Variants in ZNF704 observed in about 807,000 individuals in gnomAD.
ZNF704 encodes zinc finger protein 704.
Under a neutral mutation model 44.7 loss-of-function variants are expected in ZNF704, and 10 were observed. That is an observed-to-expected ratio of 0.22 (90% CI 0.14 to 0.38). The LOEUF (loss-of-function observed/expected upper bound fraction) is 0.38. ZNF704 is among the 10% of genes least tolerant of loss of function. ZNF704 has a pLI of 1.00. For synonymous variants in ZNF704, 211 were observed against 207.6 expected, an observed-to-expected ratio of 1.02 and a Z score of -0.14; for missense variants, 390 against 545.5, an observed-to-expected ratio of 0.71 and a Z score of 2.84.
At chr8:80,707,543 C>T (rs1338166212) in intron 2 of ZNF704, among the ~76,000 whole-genome samples, 7 of 152,180 alleles carry the variant, frequency 4.6e-5, no homozygotes, top group Admixed American at 1.3e-4. Context: ...TCTACACTGA[C>T]ACCTGTTCTG....
intron 2 of ZNF704, among the ~76,000 whole-genome samples, chr8:80,785,033 G>A (rs1807592442): frequency 6.6e-6 from 1 of 152,120 alleles, no homozygotes; most frequent in Non-Finnish European, 1.5e-5. Flanking sequence ...AGTCCACACT[G>A]TATTCAGATT....
At chr8:80,650,219 A>G (rs982367676) in intron 7 of ZNF704, among the ~76,000 whole-genome samples, 1 of 151,788 alleles carries the variant, frequency 6.6e-6, no homozygotes, top group Admixed American at 6.6e-5. Context: ...GGGAAAAAAC[A>G]GCAGAAAAAC....
chr8:80,666,246 A>C (rs1405313474), intron 5 of ZNF704, among the ~76,000 whole-genome samples: 2 of 149,476 alleles, frequency 1.3e-5, no homozygotes, highest in Non-Finnish European at 3.0e-5. Flanking sequence ...TAGTTTACTG[A>C]GAATGATGAT....
In ZNF704 at chr8:80,825,672, G is replaced by C. The variant is rs529845959; in HGVS notation, c.-21-4057C>G. Among the ~76,000 whole-genome samples the C allele has an allele frequency of 1.1e-4, 16 of 152,250 alleles. No homozygotes were observed. The South Asian group carries it at 3.3e-3, about 32-fold the overall frequency. On this transcript the variant is annotated intron_variant, in intron 1 of 8. Transcript: ENST00000327835. ...TTATTCCGAAATTGACCACATAGTT[G>C]GAAGTAAAGCACTCCTCAGCAAATG... is the stretch of plus-strand genomic sequence containing the variant.
At chr8:80,847,091 T>C (rs547736067) in intron 1 of ZNF704, among the ~76,000 whole-genome samples, 78 of 152,260 alleles carry the variant, frequency 5.1e-4, no homozygotes, top group African/African-American at 1.8e-3. Flanking sequence ...GAGAATCACT[T>C]GAACCTGGGA....
intron 2 of ZNF704, among the ~76,000 whole-genome samples, chr8:80,706,152 G>A (rs1158894852): frequency 6.6e-6 from 1 of 152,184 alleles, no homozygotes; most frequent in Non-Finnish European, 1.5e-5. Context: ...TGTCCATTTT[G>A]AGTCATTCCA....
intron 1 of ZNF704, among the ~76,000 whole-genome samples, chr8:80,835,176 A>AT (rs1320037419): frequency 1.1e-4 from 16 of 151,584 alleles, no homozygotes; most frequent in African/African-American, 3.1e-4. Context: ...CAACTTGGGT[A>AT]TTTTTTTTTA....
chr8:80,883,908 A>G, the ZNF704 span, among the ~76,000 whole-genome samples: 5 of 152,154 alleles, frequency 3.3e-5, no homozygotes, highest in Non-Finnish European at 7.4e-5. Context: ...ACACCATTTT[A>G]GTTTCTATGT....
intron 2 of ZNF704, among the ~76,000 whole-genome samples, chr8:80,748,716 A>G (rs182000701): frequency 1.8e-4 from 27 of 152,326 alleles, no homozygotes; most frequent in Non-Finnish European, 3.7e-4. Flanking sequence ...CTAGAAACAG[A>G]AAGATTGGTG....
chr8:80,726,003 T>C (rs1378042104), intron 2 of ZNF704, among the ~76,000 whole-genome samples: 1 of 152,132 alleles, frequency 6.6e-6, no homozygotes, highest in Admixed American at 6.5e-5. Flanking sequence ...ATGTCTACAA[T>C]AGGGAAAGAG....
chr8:80,758,851 C>T (rs755571519), intron 2 of ZNF704, among the ~76,000 whole-genome samples: 3 of 152,066 alleles, frequency 2.0e-5, no homozygotes, highest in African/African-American at 7.2e-5. Context: ...AATGCTGTAT[C>T]TTAAAATACA....
chr8:80,821,692 G>C (rs1244295803), intron 1 of ZNF704, 77 bp from the exon 2 acceptor site: 15 of 1,038,940 alleles, frequency 1.4e-5, no homozygotes, highest in Middle Eastern at 2.1e-4. Flanking sequence ...GCGGTGAGGA[G>C]AGATTACAGA....
chr8:80,808,131 C>T (rs1270083311), intron 2 of ZNF704, among the ~76,000 whole-genome samples: 3 of 152,196 alleles, frequency 2.0e-5, no homozygotes, highest in Admixed American at 6.5e-5. Context: ...GATCAAGGAG[C>T]AGCAGAACTC....
chr8:80,809,355 T>C (rs1275045883), intron 2 of ZNF704, among the ~76,000 whole-genome samples: 3 of 152,166 alleles, frequency 2.0e-5, no homozygotes, highest in Admixed American at 6.5e-5. Context: ...TTTAAAAAAA[T>C]ATGTGATAGC....
intron 2 of ZNF704, among the ~76,000 whole-genome samples, chr8:80,794,074 A>G (rs947281466): frequency 6.6e-6 from 1 of 152,318 alleles, no homozygotes; most frequent in Admixed American, 6.5e-5. Flanking sequence ...TATAAATAAC[A>G]AGAAAATTGA....
intron 1 of ZNF704, among the ~76,000 whole-genome samples, chr8:80,847,701 C>T (rs903581286): frequency 2.6e-5 from 4 of 152,072 alleles, no homozygotes; most frequent in East Asian, 1.9e-4. Context: ...GGTAGAAAGG[C>T]AATTCAATGG....
chr8:80,759,336 G>A (rs927025356), intron 2 of ZNF704, among the ~76,000 whole-genome samples: 3 of 148,136 alleles, frequency 2.0e-5, no homozygotes, highest in Non-Finnish European at 4.5e-5. Flanking sequence ...TACAAGCTTT[G>A]GACTGGGTGA....
At chr8:80,808,397 A>G (rs184180545) in intron 2 of ZNF704, among the ~76,000 whole-genome samples, 1 of 152,332 alleles carries the variant, frequency 6.6e-6, no homozygotes, top group East Asian at 1.9e-4. Context: ...GTGAATCACA[A>G]AGTGCATCTC....
chr8:80,764,251 G>A (rs948046994), intron 2 of ZNF704, among the ~76,000 whole-genome samples: 8 of 152,106 alleles, frequency 5.3e-5, no homozygotes, highest in Non-Finnish European at 1.2e-4. Flanking sequence ...AAGAAATAAC[G>A]GAGACTGGGT....
Sources: allele counts gnomAD v4.1 joint callset (sites outside exome capture counted in the v4.1 genomes callset), GRCh38; gene constraint gnomAD v4.1.1; transcripts MANE v1.5; gene names NCBI Gene and HGNC (gene_info 2026-07-23, HGNC 2026-07-21).